The following MIDN variants were observed in gnomAD, a reference collection of about 807,000 sequenced individuals.
The protein encoded by MIDN is midnolin.
In MIDN, 26 loss-of-function variants were observed where a neutral mutation model predicts 46.1. The ratio of observed to expected loss-of-function variants is 0.56; its 90% CI spans 0.41 to 0.78. The LOEUF is 0.78. Among genes scored for constraint, MIDN ranks in the 30% least tolerant of loss-of-function variants. The pLI is 0.00. For missense variants in MIDN, 850 were observed against 771.8 expected (o/e 1.10, Z -1.20); for synonymous variants, 432 against 343.3 (o/e 1.26, Z -2.86).
rs2081222389 is a variant in MIDN at position 1,258,013 on chromosome 19, C to G, written c.*741C>G. On this transcript the variant is annotated 3_prime_UTR_variant, in exon 9 of 9. Transcript: ENST00000682408. ...GGGTGCAGGGGCATGGCACCCTTTC[C>G]TGTCGGGAAGGGAGAGGGGAACTAC... 2 of 152,428 alleles carry G rather than the reference C, an allele frequency of 1.3e-5. No individual in the cohort carries two copies. Among genetic ancestry groups the G allele is most frequent in the Non-Finnish European group, 2.9e-5 (2 of 68,038 alleles). The allele number at this position is 152,428 out of a possible 1,614,324, so 9.4% of individuals were successfully genotyped here.
At position 1,250,918 on chromosome 19, in the gene MIDN, C is replaced by T. The variant is rs533758360; in HGVS notation, c.233+389C>T. On this transcript the variant is annotated intron_variant, in intron 2 of 8. Transcript: ENST00000682408. Reference sequence around the variant, plus strand: ...GTCTCCCCCCACTTGCGTCTCTCTCCCCCCCTTTGTTCTCGCCTCCGAGCG... The same window carrying T: ...GTCTCCCCCCACTTGCGTCTCTCTCTCCCCCTTTGTTCTCGCCTCCGAGCG... Among the ~76,000 whole-genome samples the T allele has an allele frequency of 9.2e-5, 14 of 151,880 alleles. No homozygotes were observed. The East Asian group carries it at 2.3e-3, about 25-fold the overall frequency.
chr19:1,250,881 C>T (rs1180158124), intron 2 of MIDN, among the ~76,000 whole-genome samples: 1 of 152,084 alleles, frequency 6.6e-6, no homozygotes, highest in African/African-American at 2.4e-5. Context: ...GCGGCCTCCT[C>T]TGCGTCTGGC....
At chr19:1,252,252 C>T (rs915026538) in intron 4 of MIDN, among the ~76,000 whole-genome samples, 1 of 152,226 alleles carries the variant, frequency 6.6e-6, no homozygotes, top group Non-Finnish European at 1.5e-5. Flanking sequence ...CCTCCAGCCG[C>T]TGTGGCTTCC....
At chr19:1,252,334 GCCTTCCGTGA>G (rs1447697016) in intron 4 of MIDN, among the ~76,000 whole-genome samples, 5 of 151,980 alleles carry the variant, frequency 3.3e-5, no homozygotes, top group Non-Finnish European at 7.4e-5. Context: ...CACTCCTTCC[GCCTTCCGTGA>G]CCCCCATCGT....
chr19:1,257,765 A>C lies in MIDN; in HGVS notation c.*493A>C, dbSNP rs1599995156. Reference sequence around the variant, plus strand: ...GAGGGGAGGGGCCGCAGTGCGCAGAACCCACCCCACCCCCCAGTGCAGACT... The same window carrying C: ...GAGGGGAGGGGCCGCAGTGCGCAGACCCCACCCCACCCCCCAGTGCAGACT... On this transcript the variant is annotated 3_prime_UTR_variant, in exon 9 of 9. Transcript: ENST00000682408. The C allele has an allele frequency of 6.4e-6, 1 of 156,808 alleles. No homozygotes were observed. The highest frequency in any genetic ancestry group is 1.4e-5 in the Non-Finnish European group (1 of 70,686). 9.7% of individuals were successfully genotyped at this position (156,808 alleles called of 1,614,324 possible).
Position 1,254,433 on chromosome 19 carries a change from A to C in MIDN, c.780A>C (p.Thr260=). 1 of 1,566,006 alleles carries C rather than the reference A, an allele frequency of 6.4e-7. No individual in the cohort carries two copies. Among genetic ancestry groups the C allele is most frequent in the Non-Finnish European group, 8.6e-7 (1 of 1,163,092 alleles). ...CCCCTGCATCTCCCTCGCCCATCACAGCCGGCTCCTTCCGGTCCCACGCAG... is the reference window on the plus strand; with the variant it reads ...CCCCTGCATCTCCCTCGCCCATCACCGCCGGCTCCTTCCGGTCCCACGCAG... ...SPSPASPSPI[T]AGSFRSHAAS... is the part of the protein sequence containing the mutation. Residue 260 remains threonine (T), a synonymous_variant, in exon 6 of 9, where the codon ACA becomes ACC. Transcript: ENST00000682408.
In MIDN at chr19:1,250,528, A is replaced by G; in HGVS notation, c.232A>G (p.Thr78Ala). 8.0e-7 allele frequency: 1 copy of G among 1,244,336 alleles called. No individual in the cohort carries two copies. The highest frequency in any genetic ancestry group is 1.0e-6 in the Non-Finnish European group (1 of 968,512). 77.1% of individuals were successfully genotyped at this position (1,244,336 alleles called of 1,614,324 possible). A position where few individuals can be genotyped will look rare whatever the true frequency, so the allele number is the denominator to read the frequency against. Residue 78 changes from threonine to alanine, a missense_variant and splice_region_variant, in exon 2 of 9, where the codon ACC becomes GCC. Thr to Ala is a moderately conservative substitution (Grantham distance 58). Coordinates refer to ENST00000682408, the MANE Select transcript of MIDN (RefSeq NM_001388306.1). ...KERLALLHKD[T>A]RLSSGKLQEF... is the part of the protein sequence containing the mutation. ...GCGCCTGGCTCTTCTCCACAAAGAC[A>G]CGTAGGTACCGCGCGCCCCCGGCCG...
chr19:1,251,108 G>C (rs1490157663), intron 2 of MIDN, among the ~76,000 whole-genome samples: 2 of 152,086 alleles, frequency 1.3e-5, no homozygotes, highest in Non-Finnish European at 2.9e-5. Context: ...GCGGCCGCCT[G>C]CGCCGGGGAG....
rs989862254 is a variant in MIDN, at chr19:1,258,946, A to AC, written c.*1676dup. 7 of 151,950 alleles carry AC rather than the reference A, an allele frequency of 4.6e-5. No homozygotes were observed. The highest frequency in any genetic ancestry group is 1.7e-4 in the African/African-American group (7 of 41,348). The allele number at this position is 151,950 out of a possible 1,614,324, so 9.4% of individuals were successfully genotyped here. ...TGTGCCTCCACTGGTTGAGGGTGGA[A>AC]CCTCCAGGCAGGAACCGGCTCGCCA... On this transcript the variant is annotated 3_prime_UTR_variant, in exon 9 of 9. Transcript: ENST00000682408.
In MIDN at chr19:1,253,763, C is replaced by T. The variant is rs374562349; in HGVS notation, c.385-191C>T. ...AGCTGGGAGGGGGCCTGAGGTGGAG[C>T]CCCTCCCGTATCCACAGGCAGAGAG... On this transcript the variant is annotated intron_variant, in intron 4 of 8. Coordinates refer to ENST00000682408, the MANE Select transcript of MIDN (RefSeq NM_001388306.1). 7.4e-5 allele frequency: 22 copies of T among 296,894 alleles called. No homozygotes were observed. The East Asian group carries it at 1.4e-3, about 19-fold the overall frequency. The allele number at this position is 296,894 out of a possible 1,614,324, so 18.4% of individuals were successfully genotyped here.
intron 2 of MIDN, 142 bp from the exon 3 acceptor site, chr19:1,251,420 C>T: frequency 1.3e-5 from 9 of 710,418 alleles, no homozygotes; most frequent in Middle Eastern, 4.7e-4. Flanking sequence ...CGCTTAGGGC[C>T]CTGGATCTGG....
intron 4 of MIDN, 54 bp downstream of exon 4, chr19:1,251,955 TGGCCACCGA>T: frequency 2.0e-6 from 3 of 1,504,526 alleles, no homozygotes; most frequent in Non-Finnish European, 2.8e-6. Flanking sequence ...CAGGGTGCCT[TGGCCACCGA>T]CGGGGCCTGG....
Position 1,258,762 on chromosome 19 carries a change from AT to A in MIDN, c.*1494del, listed in dbSNP as rs2081232197. The A allele has an allele frequency of 6.7e-6, 1 of 149,536 alleles. No individual in the cohort carries two copies. The highest frequency in any genetic ancestry group is 2.5e-5 in the African/African-American group (1 of 40,416). The allele number at this position is 149,536 out of a possible 1,614,324, so 9.3% of individuals were successfully genotyped here. ...GGGTCCCAGAGGGTAGAGCTCAAGG[AT>A]TTTGGGTTTTGTTTTGTTTTCATTT... On this transcript the variant is annotated 3_prime_UTR_variant, in exon 9 of 9. Coordinates refer to ENST00000682408, the MANE Select transcript of MIDN (RefSeq NM_001388306.1).
chr19:1,252,382 C>T (rs895091045), intron 4 of MIDN, among the ~76,000 whole-genome samples: 24 of 152,026 alleles, frequency 1.6e-4, no homozygotes, highest in African/African-American at 3.4e-4. Context: ...GTCACCCTCC[C>T]CTCCTCTCTC....
chr19:1,253,114 G>T (rs1332684147), intron 4 of MIDN, among the ~76,000 whole-genome samples: 1 of 151,870 alleles, frequency 6.6e-6, no homozygotes, highest in Non-Finnish European at 1.5e-5. Flanking sequence ...AGTCATGCCC[G>T]CCCATTAGCC....
chr19:1,249,822 G>A (rs1460857434), intron 1 of MIDN, 68 bp from the exon 2 acceptor site: 2 of 151,542 alleles, frequency 1.3e-5, no homozygotes. Flanking sequence ...AATGGGAGGG[G>A]GCGGCGGCCC....
At chr19:1,252,787 C>T (rs1357033440) in intron 4 of MIDN, among the ~76,000 whole-genome samples, 3 of 152,152 alleles carry the variant, frequency 2.0e-5, no homozygotes, top group African/African-American at 7.2e-5. Context: ...CTGCCCTTTC[C>T]CTACATCGCG....
At position 1,258,369 on chromosome 19, in the gene MIDN, C is replaced by T. The variant is rs2081227409; in HGVS notation, c.*1097C>T. The stretch of plus-strand genomic sequence containing the variant: ...GGCGACAACTCCGTGTAGCATTAAC[C>T]CCCGTGGCGGGGTCCGCTGCTGGTC... On this transcript the variant is annotated 3_prime_UTR_variant, in exon 9 of 9. Coordinates refer to ENST00000682408, the MANE Select transcript of MIDN (RefSeq NM_001388306.1). 1 of 152,568 alleles carries T rather than the reference C, an allele frequency of 6.6e-6. No homozygotes were observed. Among genetic ancestry groups the T allele is most frequent in the Non-Finnish European group, 1.5e-5 (1 of 68,046 alleles). The allele number at this position is 152,568 out of a possible 1,614,324, so 9.5% of individuals were successfully genotyped here. A position where few individuals can be genotyped will look rare whatever the true frequency, so the allele number is the denominator to read the frequency against.
At chr19:1,249,460 G>A (rs1214826723) in intron 1 of MIDN, among the ~76,000 whole-genome samples, 1 of 149,876 alleles carries the variant, frequency 6.7e-6, no homozygotes, top group East Asian at 1.9e-4. Context: ...CGGGAACAAT[G>A]GCCCGCGCCC....
Sources: allele counts gnomAD v4.1 joint callset (sites outside exome capture counted in the v4.1 genomes callset), GRCh38; gene constraint gnomAD v4.1.1; transcripts MANE v1.5; gene names NCBI Gene and HGNC (gene_info 2026-07-23, HGNC 2026-07-21).